Variants in RBMS3 observed in about 807,000 individuals in gnomAD.
RBMS3 encodes the protein RNA-binding motif, single-stranded-interacting protein 3.
In RBMS3, 27 loss-of-function variants were observed where a neutral mutation model predicts 66.8. That is an observed-to-expected ratio of 0.40 (90% CI 0.30 to 0.56). RBMS3 has a LOEUF of 0.56. Among genes scored for constraint, RBMS3 ranks in the 20% least tolerant of loss-of-function variants. The pLI, the probability that RBMS3 is intolerant of heterozygous loss-of-function variation, is 0.40. For missense variants in RBMS3, 513 were observed against 549.5 expected, an observed-to-expected ratio of 0.93 and a Z score of 0.66; for synonymous variants, 188 against 183.0, an observed-to-expected ratio of 1.03 and a Z score of -0.22.
chr3:29,863,553 A>G (rs1037730210), intron 6 of RBMS3, among the ~76,000 whole-genome samples: 2 of 152,128 alleles, frequency 1.3e-5, no homozygotes, highest in African/African-American at 4.8e-5. Flanking sequence ...GTCATTATCA[A>G]TATTCATAGC....
chr3:29,852,992 G>A (rs1331138028), intron 6 of RBMS3, among the ~76,000 whole-genome samples: 1 of 152,156 alleles, frequency 6.6e-6, no homozygotes, highest in Non-Finnish European at 1.5e-5. Flanking sequence ...AACAAGAAAA[G>A]ATCATGTCCT....
chr3:29,662,132 G>T (rs544728211), intron 4 of RBMS3, among the ~76,000 whole-genome samples: 1 of 152,134 alleles, frequency 6.6e-6, no homozygotes, highest in Non-Finnish European at 1.5e-5. Context: ...ATAGGGGATT[G>T]TTCTGTTAAA....
chr3:29,955,119 G>A (rs1174247449), intron 12 of RBMS3, among the ~76,000 whole-genome samples: 3 of 151,980 alleles, frequency 2.0e-5, no homozygotes, highest in African/African-American at 4.8e-5. Flanking sequence ...TAACAACTAT[G>A]TCATACCACA....
chr3:29,860,583 A>G (rs916937195), intron 6 of RBMS3, among the ~76,000 whole-genome samples: 2 of 152,186 alleles, frequency 1.3e-5, no homozygotes, highest in African/African-American at 4.8e-5. Flanking sequence ...TGTCTCTATT[A>G]TAGCAGCCAT....
chr3:29,683,753 TTTTC>T (rs1323946966), intron 4 of RBMS3, among the ~76,000 whole-genome samples: 6 of 152,326 alleles, frequency 3.9e-5, no homozygotes, highest in African/African-American at 1.2e-4. Context: ...CCAGCTCAAC[TTTTC>T]TTTCTTATCA....
intron 7 of RBMS3, 81 bp downstream of exon 7, chr3:29,869,045 C>A: frequency 8.4e-7 from 1 of 1,185,804 alleles, no homozygotes; most frequent in Non-Finnish European, 1.2e-6. Context: ...CGTATGGTGC[C>A]ATGATGAAAT....
At chr3:29,998,535 C>G (rs1699403139) in intron 14 of RBMS3, among the ~76,000 whole-genome samples, 1 of 152,176 alleles carries the variant, frequency 6.6e-6, no homozygotes, top group Non-Finnish European at 1.5e-5. Context: ...GTTACAGTAA[C>G]CAAAGCAGCA....
chr3:29,791,094 C>A (rs2149426828), intron 6 of RBMS3, among the ~76,000 whole-genome samples: 1 of 152,298 alleles, frequency 6.6e-6, no homozygotes, highest in South Asian at 2.1e-4. Flanking sequence ...AGTCTTGTAA[C>A]ACATCTTGCT....
chr3:29,500,424 T>G lies in RBMS3; in HGVS notation c.307+11925T>G, dbSNP rs558573559. On this transcript the variant is annotated intron_variant, in intron 3 of 14. Transcript: ENST00000383767. ...TAACTCCAAGTGAAATATAAATATA[T>G]ATATATAATTTTATTATATATACAT... Among the ~76,000 whole-genome samples, 9 of 148,666 alleles carry G rather than the reference T, an allele frequency of 6.1e-5. No homozygotes were observed. In the East Asian group the frequency reaches 1.7e-3, roughly 29 times the overall value.
At chr3:29,769,678 G>A (rs1320872826) in intron 6 of RBMS3, among the ~76,000 whole-genome samples, 2 of 151,272 alleles carry the variant, frequency 1.3e-5, no homozygotes, top group Non-Finnish European at 3.0e-5. Flanking sequence ...ATTTTTTGTA[G>A]CTCAAGGGCT....
At chr3:29,897,578 A>G (rs1002861226) in intron 9 of RBMS3, 103 bp downstream of exon 9, 1 of 1,017,070 alleles carries the variant, frequency 9.8e-7, no homozygotes, top group African/African-American at 1.6e-5. Flanking sequence ...AAATTCTCAT[A>G]CACTTTAATC....
At chr3:29,892,447 T>A (rs1046130535) in intron 8 of RBMS3, among the ~76,000 whole-genome samples, 1 of 151,356 alleles carries the variant, frequency 6.6e-6, no homozygotes, top group Non-Finnish European at 1.5e-5. Context: ...CTTTATCCAC[T>A]AGATGCCGGT....
intron 10 of RBMS3, among the ~76,000 whole-genome samples, chr3:29,914,827 G>C (rs1004181380): frequency 2.0e-5 from 3 of 151,830 alleles, no homozygotes; most frequent in African/African-American, 7.2e-5. Context: ...ATTGTCCTGT[G>C]TATCCATGAA....
intron 1 of RBMS3, among the ~76,000 whole-genome samples, chr3:29,338,670 C>T (rs9837340): frequency 6.7e-6 from 1 of 150,372 alleles, no homozygotes; most frequent in Non-Finnish European, 1.5e-5. Context: ...TTCTCCTCTC[C>T]TCTCCTCCTC....
chr3:29,549,404 T>TC (rs2046103212), intron 3 of RBMS3, among the ~76,000 whole-genome samples: 1 of 151,350 alleles, frequency 6.6e-6, no homozygotes, highest in African/African-American at 2.4e-5. Context: ...TTGATTTTTT[T>TC]TTTTTTTTTT....
chr3:29,410,978 A>C (rs1042652243), intron 1 of RBMS3, among the ~76,000 whole-genome samples: 3 of 151,914 alleles, frequency 2.0e-5, no homozygotes, highest in Non-Finnish European at 4.4e-5. Flanking sequence ...AAAAAAAAAA[A>C]AAAAGCAACA....
At chr3:29,615,498 A>G (rs988961940) in intron 4 of RBMS3, among the ~76,000 whole-genome samples, 1 of 152,116 alleles carries the variant, frequency 6.6e-6, no homozygotes, top group Admixed American at 6.6e-5. Context: ...ACACACACAT[A>G]AAATGATTGT....
At chr3:29,619,468 C>T (rs2048791640) in intron 4 of RBMS3, among the ~76,000 whole-genome samples, 1 of 152,056 alleles carries the variant, frequency 6.6e-6, no homozygotes, top group African/African-American at 2.4e-5. Flanking sequence ...TCTTTTGTAT[C>T]TCTCTTAGCA....
At chr3:29,719,027 A>G (rs932033111) in intron 4 of RBMS3, among the ~76,000 whole-genome samples, 1 of 152,160 alleles carries the variant, frequency 6.6e-6, no homozygotes, top group Non-Finnish European at 1.5e-5. Flanking sequence ...ATTCCTCCAT[A>G]AAACAAAGAG....
Sources: gnomAD v4.1 joint callset for allele counts (sites outside exome capture counted in the v4.1 genomes callset) on GRCh38, gnomAD v4.1.1 for gene constraint, MANE v1.5 for transcripts, NCBI Gene and HGNC (gene_info 2026-07-23, HGNC 2026-07-21) for gene names.